KHDRBS1: variants seen among roughly 807,000 people sequenced by gnomAD.
The protein encoded by KHDRBS1 is KH domain-containing, RNA-binding, signal transduction-associated protein 1.
In KHDRBS1, 7 loss-of-function variants were observed where a neutral mutation model predicts 48.4. The observed-to-expected ratio is 0.14, with a 90% CI of 0.08 to 0.27. KHDRBS1 has a LOEUF of 0.27. Ranked by LOEUF, KHDRBS1 falls within the 10% of genes least tolerant of loss-of-function variation. The pLI is 1.00. For missense variants in KHDRBS1, 458 were observed against 601.2 expected (o/e 0.76, Z 2.49); for synonymous variants, 241 against 235.8 (o/e 1.02, Z -0.20).
chr1:32,020,449 G>A (rs1338298801), intron 1 of KHDRBS1, among the ~76,000 whole-genome samples: 1 of 151,294 alleles, frequency 6.6e-6, no homozygotes, highest in African/African-American at 2.4e-5. Context: ...TTACCGTATC[G>A]TTCAACAGTT....
chr1:32,025,963 G>C (rs1638962062), intron 1 of KHDRBS1, among the ~76,000 whole-genome samples: 1 of 148,512 alleles, frequency 6.7e-6, no homozygotes, highest in African/African-American at 2.6e-5. Context: ...ATTTTTGGTA[G>C]AGACAGGGTC....
chr1:32,032,517 T>TA (rs1168167195), intron 3 of KHDRBS1, among the ~76,000 whole-genome samples: 1 of 152,180 alleles, frequency 6.6e-6, no homozygotes, highest in Admixed American at 6.5e-5. Flanking sequence ...ACCTGTGATT[T>TA]AAAAACAAAT....
At chr1:32,036,162 G>GTTTT (rs1639173396) in intron 4 of KHDRBS1, among the ~76,000 whole-genome samples, 1 of 104,990 alleles carries the variant, frequency 9.5e-6, no homozygotes, top group African/African-American at 4.0e-5. Flanking sequence ...TCATTTTGAA[G>GTTTT]ATTTTTTTTT....
chr1:32,043,955 A>G (rs1639327131), downstream of KHDRBS1: 2 of 152,608 alleles, frequency 1.3e-5, no homozygotes, highest in African/African-American at 4.8e-5. Context: ...AATTAACTCT[A>G]AAGTTAATGG....
intron 1 of KHDRBS1, among the ~76,000 whole-genome samples, chr1:32,016,544 A>G (rs1356309694): frequency 1.3e-5 from 2 of 152,122 alleles, no homozygotes; most frequent in African/African-American, 4.8e-5. Flanking sequence ...AAAGTATCAC[A>G]GTGTTAACAG....
intron 1 of KHDRBS1, among the ~76,000 whole-genome samples, chr1:32,026,003 T>C (rs1474440699): frequency 6.6e-6 from 1 of 151,570 alleles, no homozygotes; most frequent in African/African-American, 2.4e-5. Flanking sequence ...GGTCTCAAGC[T>C]CCTGGGCTCA....
chr1:32,019,121 A>C (rs1246426243), intron 1 of KHDRBS1, among the ~76,000 whole-genome samples: 1 of 152,168 alleles, frequency 6.6e-6, no homozygotes, highest in Non-Finnish European at 1.5e-5. Context: ...ACAAACAAAA[A>C]ACCAGCAACA....
downstream of KHDRBS1, among the ~76,000 whole-genome samples, chr1:32,047,674 G>A (rs1639373246): frequency 1.3e-5 from 2 of 152,008 alleles, no homozygotes; most frequent in African/African-American, 4.8e-5. Flanking sequence ...ATCTCATTTG[G>A]TCCCTTTCTA....
chr1:32,017,957 C>T (rs1003499815), intron 1 of KHDRBS1, among the ~76,000 whole-genome samples: 1 of 152,028 alleles, frequency 6.6e-6, no homozygotes, highest in South Asian at 2.1e-4. Flanking sequence ...ATAAGTGACT[C>T]AAGAATAAAC....
At chr1:32,056,126 A>G (rs766282830) in intron 10 of KHDRBS1, among the ~76,000 whole-genome samples, 2 of 152,136 alleles carry the variant, frequency 1.3e-5, no homozygotes, top group Non-Finnish European at 2.9e-5. Context: ...GCCTCTCACC[A>G]GTGACTGTAC....
rs1310551846 is a variant in KHDRBS1, at chr1:32,043,344, A to G, written c.*720A>G. On this transcript the variant is annotated 3_prime_UTR_variant, in exon 9 of 9. Coordinates refer to ENST00000327300, the MANE Select transcript of KHDRBS1 (RefSeq NM_006559.3). Reference sequence around the variant, plus strand: ...ACTTTTTCATTACGTGGGTTTTGAAATCTAGCCCCAGACATACTGTGTTGA... The same window carrying G: ...ACTTTTTCATTACGTGGGTTTTGAAGTCTAGCCCCAGACATACTGTGTTGA... 6.6e-6 allele frequency: 1 copy of G among 152,452 alleles called. No individual in the cohort carries two copies. Among genetic ancestry groups the G allele is most frequent in the Non-Finnish European group, 1.5e-5 (1 of 68,004 alleles). The allele number at this position is 152,452 out of a possible 1,614,324, so 9.4% of individuals were successfully genotyped here. A position where few individuals can be genotyped will look rare whatever the true frequency, so the allele number is the denominator to read the frequency against.
intron 1 of KHDRBS1, among the ~76,000 whole-genome samples, chr1:32,014,625 G>C (rs908791777): frequency 1.6e-4 from 24 of 152,210 alleles, no homozygotes; most frequent in African/African-American, 5.8e-4. Context: ...TTGATGGATA[G>C]TGCTGAGCTC....
chr1:32,051,309 A>G (rs1186502670), intron 10 of KHDRBS1, among the ~76,000 whole-genome samples: 1 of 152,220 alleles, frequency 6.6e-6, no homozygotes, highest in Non-Finnish European at 1.5e-5. Flanking sequence ...TCAGTTAACC[A>G]CAGATGTATG....
At position 32,023,792 on chromosome 1, in the gene KHDRBS1, C is replaced by T. The variant is rs1485188396; in HGVS notation, c.383-6506C>T. On this transcript the variant is annotated intron_variant, in intron 1 of 8. Coordinates refer to ENST00000327300, the MANE Select transcript of KHDRBS1 (RefSeq NM_006559.3). ...AAGACCAGACCATCAGACAACTGAACATCTGAGACACCCATAAAGCCCTTT... is the reference window on the plus strand; with the variant it reads ...AAGACCAGACCATCAGACAACTGAATATCTGAGACACCCATAAAGCCCTTT... Among the ~76,000 whole-genome samples the T allele has an allele frequency of 3.3e-5, 5 of 152,344 alleles. 1 individual carries two copies. In the South Asian group the frequency reaches 8.3e-4, roughly 25 times the overall value.
chr1:32,044,670 C>T (rs1297572902), downstream of KHDRBS1, among the ~76,000 whole-genome samples: 1 of 152,046 alleles, frequency 6.6e-6, no homozygotes, highest in African/African-American at 2.4e-5. Flanking sequence ...ATGTAAATAA[C>T]TGAATTTTCA....
intron 10 of KHDRBS1, chr1:32,052,318 G>A (rs1460401578): frequency 6.6e-6 from 1 of 151,390 alleles, no homozygotes; most frequent in African/African-American, 2.4e-5. Flanking sequence ...GTGTCTTTAA[G>A]TGCTGTAAAG....
intron 10 of KHDRBS1, among the ~76,000 whole-genome samples, chr1:32,057,350 G>A (rs934206920): frequency 6.6e-6 from 1 of 151,964 alleles, no homozygotes; most frequent in Non-Finnish European, 1.5e-5. Context: ...TCTATTTTTT[G>A]TAGAGACAAG....
intron 3 of KHDRBS1, among the ~76,000 whole-genome samples, chr1:32,032,288 A>G: frequency 6.6e-6 from 1 of 152,216 alleles, no homozygotes; most frequent in East Asian, 1.9e-4. Context: ...CTACAGTCCA[A>G]AAACCAATTC....
chr1:32,046,672 A>AT (rs921679914), downstream of KHDRBS1, among the ~76,000 whole-genome samples: 3 of 152,102 alleles, frequency 2.0e-5, no homozygotes, highest in African/African-American at 7.2e-5. Context: ...TAACTGGCTG[A>AT]TTTTTTCTCT....
Sources: gnomAD v4.1 joint callset for allele counts (sites outside exome capture counted in the v4.1 genomes callset) on GRCh38, gnomAD v4.1.1 for gene constraint, MANE v1.5 for transcripts, NCBI Gene and HGNC (gene_info 2026-07-23, HGNC 2026-07-21) for gene names.